C2orf15: variants seen among roughly 807,000 people sequenced by gnomAD.
C2orf15 encodes the protein uncharacterized protein C2orf15.
Under a neutral mutation model 4.4 loss-of-function variants are expected in C2orf15, and 3 were observed. The observed-to-expected ratio is 0.67, with a 90% CI of 0.31 to 1.74. The LOEUF (loss-of-function observed/expected upper bound fraction) is 1.74, where lower values mean the gene tolerates loss of function less well. C2orf15 is among the 40% of genes most tolerant of loss of function. The probability of loss-of-function intolerance (pLI) is 0.09; values close to 1 mark genes in which losing one functional copy is unlikely to be tolerated. For synonymous variants in C2orf15, 37 were observed against 36.8 expected, an observed-to-expected ratio of 1.00 and a Z score of -0.02; for missense variants, 90 against 103.3, an observed-to-expected ratio of 0.87 and a Z score of 0.56.
chr2:99,148,266 G>A (rs1025718571), intron 3 of C2orf15: 1 of 152,110 alleles, frequency 6.6e-6, no homozygotes, highest in Non-Finnish European at 1.5e-5. Context: ...AAACCAAATA[G>A]AATAAACTCA....
At chr2:99,143,591 C>T (rs1234836868) in intron 2 of C2orf15, among the ~76,000 whole-genome samples, 15 of 152,054 alleles carry the variant, frequency 9.9e-5, no homozygotes, top group Admixed American at 4.6e-4. Flanking sequence ...CTGCCTTAGC[C>T]CCTTGAGTAG....
chr2:99,147,919 T>TA (rs2093648707), intron 3 of C2orf15, among the ~76,000 whole-genome samples: 1 of 152,200 alleles, frequency 6.6e-6, no homozygotes, highest in African/African-American at 2.4e-5. Context: ...CACAATACAA[T>TA]TATCATATTC....
intron 2 of C2orf15, among the ~76,000 whole-genome samples, chr2:99,143,587 T>C (rs1284898374): frequency 6.6e-6 from 1 of 151,616 alleles, no homozygotes; most frequent in Non-Finnish European, 1.5e-5. Context: ...TCTCCTGCCT[T>C]AGCCCCTTGA....
chr2:99,145,004 A>G, intron 2 of C2orf15, among the ~76,000 whole-genome samples: 1 of 152,188 alleles, frequency 6.6e-6, no homozygotes, highest in East Asian at 1.9e-4. Context: ...TTTAAGCAAC[A>G]CAAATTTATT....
intron 2 of C2orf15, among the ~76,000 whole-genome samples, chr2:99,144,052 G>C (rs1047928497): frequency 6.6e-6 from 1 of 151,176 alleles, no homozygotes; most frequent in Non-Finnish European, 1.5e-5. Flanking sequence ...ATGGAGTCTC[G>C]CTTTGTCTCC....
In C2orf15 at chr2:99,149,744, T is replaced by A. The variant is rs1363273948; in HGVS notation, c.-76-739T>A. Among the ~76,000 whole-genome samples the A allele has an allele frequency of 2.7e-5, 4 of 148,410 alleles. No homozygotes were observed. In the East Asian group the frequency reaches 8.0e-4, roughly 30 times the overall value. Reference sequence around the variant, plus strand: ...GGTGTGAGCCACTGCGCTCGGCCGATCATCTCTTTTTACAGACTAGACATC... The same window carrying A: ...GGTGTGAGCCACTGCGCTCGGCCGAACATCTCTTTTTACAGACTAGACATC... On this transcript the variant is annotated intron_variant, in intron 3 of 3. Transcript: ENST00000650052.
At chr2:99,148,068 G>GT (rs2093650164) in intron 3 of C2orf15, among the ~76,000 whole-genome samples, 1 of 152,116 alleles carries the variant, frequency 6.6e-6, no homozygotes, top group Non-Finnish European at 1.5e-5. Context: ...CTGAAATAAT[G>GT]TATCTTTAGC....
Position 99,150,849 on chromosome 2 carries a change from ATT to A in C2orf15, c.*16_*17del, listed in dbSNP as rs2093686979. ...ATGTGGAATGAAGCAATTTGTACGT[ATT>A]ACCAAAGAAACCAAAAACTGCCTTT... On this transcript the variant is annotated 3_prime_UTR_variant, in exon 4 of 4. Coordinates refer to ENST00000650052, the MANE Select transcript of C2orf15 (RefSeq NM_144706.4). 3.2e-6 allele frequency: 5 copies of A among 1,540,214 alleles called. No individual in the cohort carries two copies. The highest frequency in any genetic ancestry group is 4.4e-6 in the Non-Finnish European group (5 of 1,142,658).
At chr2:99,146,871 C>T (rs1284207634) in intron 2 of C2orf15, among the ~76,000 whole-genome samples, 2 of 152,214 alleles carry the variant, frequency 1.3e-5, no homozygotes, top group African/African-American at 4.8e-5. Flanking sequence ...TCGTGATCCG[C>T]CCACCTCAGC....
chr2:99,151,663 A>G lies in C2orf15; in HGVS notation c.*829A>G, dbSNP rs1156254648. On this transcript the variant is annotated 3_prime_UTR_variant, in exon 4 of 4. Coordinates refer to ENST00000650052, the MANE Select transcript of C2orf15 (RefSeq NM_144706.4). Reference sequence around the variant, plus strand: ...AAAGACCAATAAATTGCATATCTTCAGAAGGATTTCACATTTTAAATCGTG... The same window carrying G: ...AAAGACCAATAAATTGCATATCTTCGGAAGGATTTCACATTTTAAATCGTG... 6.6e-6 allele frequency among the ~76,000 whole-genome samples: 1 copy of G among 152,180 alleles called. No individual in the cohort carries two copies. The highest frequency in any genetic ancestry group is 1.5e-5 in the Non-Finnish European group (1 of 68,034).
Position 99,150,620 on chromosome 2 carries a change from T to G in C2orf15, c.62T>G (p.Val21Gly). ...QVSAIHMDSK[V>G]DDHLIRGTEK... ...TCTGCTATACATATGGATTCAAAAG[T>G]GGATGATCACTTAATACGAGGGACT... The change falls in exon 4 of 4, where the codon GTG (valine) becomes GGG (glycine). Residue 21 changes from valine (V) to glycine (G), a missense_variant. By Grantham distance (109) the Val-to-Gly change is moderately radical. Transcript: ENST00000650052. 2 of 1,614,042 alleles carry G rather than the reference T, an allele frequency of 1.2e-6. No homozygotes were observed. The highest frequency in any genetic ancestry group is 1.7e-6 in the Non-Finnish European group (2 of 1,179,982).
rs146177676 is a variant in C2orf15 at position 99,150,562 on chromosome 2, G to A, written c.4G>A (p.Gly2Arg). ...TCACATTTGTTCAGCTATCCTAATG[G>A]GATTTTCACTTAGTAAATCTGCTAC... M[G>R]FSLSKSATQV... The change falls in exon 4 of 4, where the codon GGA (glycine) becomes AGA (arginine). Residue 2 changes from glycine (G) to arginine (R), a missense_variant. Physicochemically the swap from Gly to Arg is moderately radical, Grantham distance 125 (BLOSUM62 -2). Transcript: ENST00000650052. 5.0e-6 allele frequency: 8 copies of A among 1,612,694 alleles called. No individual in the cohort carries two copies. The highest frequency in any genetic ancestry group is 1.3e-5 in the African/African-American group (1 of 74,716).
intron 3 of C2orf15, among the ~76,000 whole-genome samples, chr2:99,149,177 A>AG (rs1249284309): frequency 1.3e-5 from 2 of 151,036 alleles, no homozygotes; most frequent in Non-Finnish European, 3.0e-5. Context: ...CTCAAAAAAA[A>AG]AAAAAAAATG....
chr2:99,143,021 T>C (rs2093588572), intron 2 of C2orf15, among the ~76,000 whole-genome samples: 1 of 152,110 alleles, frequency 6.6e-6, no homozygotes, highest in East Asian at 1.9e-4. Flanking sequence ...ATTTTCCTTT[T>C]TTTTCCTATC....
At chr2:99,144,649 CAA>C (rs70940140) in intron 2 of C2orf15, among the ~76,000 whole-genome samples, 33 of 52,262 alleles carry the variant, frequency 6.3e-4, no homozygotes, top group African/African-American at 1.8e-3. Context: ...AACTCTGTCT[CAA>C]AAAAAAAAAA....
chr2:99,149,785 C>CTTTTTTT (rs70940143), intron 3 of C2orf15, among the ~76,000 whole-genome samples: 1 of 112,456 alleles, frequency 8.9e-6, no homozygotes, highest in African/African-American at 3.7e-5. Context: ...TCACAAGTAT[C>CTTTTTTT]TTTTTTTTTT....
At chr2:99,142,076 C>CA (rs777557257) in intron 1 of C2orf15, 139 bp downstream of exon 1, 2 of 152,264 alleles carry the variant, frequency 1.3e-5, no homozygotes, top group Non-Finnish European at 2.9e-5. Flanking sequence ...CTCCACATGC[C>CA]AGTCCTTTTC....
intron 2 of C2orf15, among the ~76,000 whole-genome samples, chr2:99,144,043 T>TG (rs1315533031): frequency 4.6e-5 from 7 of 152,014 alleles, no homozygotes; most frequent in Admixed American, 3.3e-4. Flanking sequence ...TTTTTTGAGA[T>TG]GGAGTCTCGC....
At chr2:99,142,568 A>T (rs2093579662) in intron 2 of C2orf15, among the ~76,000 whole-genome samples, 167 bp downstream of exon 2, 1 of 152,188 alleles carries the variant, frequency 6.6e-6, no homozygotes, top group South Asian at 2.1e-4. Context: ...TTATTTTCAG[A>T]TATCATATAC....
Sources: gnomAD v4.1 joint callset for allele counts (sites outside exome capture counted in the v4.1 genomes callset) on GRCh38, gnomAD v4.1.1 for gene constraint, MANE v1.5 for transcripts, NCBI Gene and HGNC (gene_info 2026-07-23, HGNC 2026-07-21) for gene names.